SLX4: variants seen among roughly 807,000 people sequenced by gnomAD.
SLX4 encodes the protein structure-specific endonuclease subunit SLX4.
In SLX4, 112 loss-of-function variants were observed where a neutral mutation model predicts 146.2. The ratio of observed to expected loss-of-function variants is 0.77; its 90% CI spans 0.66 to 0.90. The LOEUF is 0.90. SLX4 is among the 40% of genes least tolerant of loss of function. The pLI, the probability that SLX4 is intolerant of heterozygous loss-of-function variation, is 0.00. For synonymous variants in SLX4, 1,061 were observed against 997.7 expected, an observed-to-expected ratio of 1.06 and a Z score of -1.20; for missense variants, 2,563 against 2,392.7, an observed-to-expected ratio of 1.07 and a Z score of -1.49.
intron 3 of SLX4, among the ~76,000 whole-genome samples, chr16:3,605,681 C>T: frequency 6.6e-6 from 1 of 151,916 alleles, no homozygotes; most frequent in African/African-American, 2.4e-5. Flanking sequence ...GGCACAGTGG[C>T]TCACGCCTGT....
chr16:3,605,989 A>G, intron 3 of SLX4, among the ~76,000 whole-genome samples: 2 of 136,464 alleles, frequency 1.5e-5, no homozygotes, highest in African/African-American at 5.5e-5. Context: ...GCCAGGTGCA[A>G]TGGTTCACGC....
At chr16:3,596,088 T>G in intron 8 of SLX4, 65 bp downstream of exon 8, 5 of 1,521,106 alleles carry the variant, frequency 3.3e-6, no homozygotes, top group Non-Finnish European at 3.5e-6. Flanking sequence ...CATGGCAGCC[T>G]CAGCCGCGGG....
Position 3,589,472 on chromosome 16 carries a change from G to C in SLX4, c.4166C>G (p.Ala1389Gly). ...PGPSFLNQTP[A>G]GEVVEVGDSD... is the part of the protein sequence containing the mutation. ...GTCTCCGACTTCCACCACTTCACCC[G>C]CTGGGGTCTGGTTCAGGAAGCTTGG... Residue 1389 changes from alanine (A) to glycine (G), a missense_variant, in exon 12 of 15, where the codon GCG (alanine) becomes GGG (glycine). Coordinates refer to ENST00000294008, the MANE Select transcript of SLX4 (RefSeq NM_032444.4). This position sits in a 1 kb window ranked among gnomAD's most constrained non-coding sequence, Gnocchi z 6.2. The C allele has an allele frequency of 6.2e-7, 1 of 1,608,536 alleles. No individual in the cohort carries two copies. The highest frequency in any genetic ancestry group is 8.5e-7 in the Non-Finnish European group (1 of 1,175,878).
In SLX4 at chr16:3,598,648, T is replaced by G. The variant is rs1460289795; in HGVS notation, c.1164-649A>C. ...TGGGCAAGAAGGAGGAGGGCAGAGG[T>G]GACAAAGGAACTTAGCACAAACCGG... is the stretch of plus-strand genomic sequence containing the variant. On this transcript the variant is annotated intron_variant, in intron 5 of 14. Transcript: ENST00000294008. 5.9e-5 allele frequency among the ~76,000 whole-genome samples: 9 copies of G among 151,846 alleles called. No homozygotes were observed. The East Asian group carries it at 1.7e-3, about 29-fold the overall frequency.
chr16:3,610,179 C>T lies in SLX4; in HGVS notation c.-602-613G>A, dbSNP rs1294708286. On this transcript the variant is annotated intron_variant, in intron 1 of 14. Transcript: ENST00000294008. Reference sequence around the variant, plus strand: ...ATGACCCAATGGCAGAAAGTTATTCCTTTCAAATACAATAATGCAATCTCC... The same window carrying T: ...ATGACCCAATGGCAGAAAGTTATTCTTTTCAAATACAATAATGCAATCTCC... 2.6e-5 allele frequency among the ~76,000 whole-genome samples: 4 copies of T among 152,170 alleles called. No individual in the cohort carries two copies. In the East Asian group the frequency reaches 5.8e-4, roughly 22 times the overall value.
Position 3,601,013 on chromosome 16 carries a change from G to A in SLX4, c.1129C>T (p.Gln377Ter), listed in dbSNP as rs1171341642. The A allele has an allele frequency of 3.1e-6, 5 of 1,613,828 alleles. No homozygotes were observed. The Admixed American group carries it at 6.7e-5, about 22-fold the overall frequency. ...GGTGGGCTGCTGCTACCCTCAGGCTGTGCTGTCTGCAGCCGCACAGCCTGA... is the reference window on the plus strand; with the variant it reads ...GGTGGGCTGCTGCTACCCTCAGGCTATGCTGTCTGCAGCCGCACAGCCTGA... The part of the protein sequence containing the change: ...LLQAVRLQTA[Q>*]PEGSSSPPMF... Residue 377 changes from glutamine (Q) to a stop codon, truncating the protein, a stop_gained, in exon 5 of 15, where the codon CAG becomes TAG. Coordinates refer to ENST00000294008, the MANE Select transcript of SLX4 (RefSeq NM_032444.4). LOFTEE classifies it high-confidence loss of function.
chr16:3,597,257 T>C lies in SLX4; in HGVS notation c.1683+122A>G, dbSNP rs1596527259. The stretch of plus-strand genomic sequence containing the variant: ...GCCACCAAGTGCCCCTCTGGCCTCC[T>C]CCCGCCTCTGCCTTTCCTTCCTGGA... On this transcript the variant is annotated intron_variant, in intron 7 of 14. Coordinates refer to ENST00000294008, the MANE Select transcript of SLX4 (RefSeq NM_032444.4). This position sits in a 1 kb window ranked among gnomAD's most constrained non-coding sequence, Gnocchi z 4.4. 1 of 1,186,796 alleles carries C rather than the reference T, an allele frequency of 8.4e-7. No homozygotes were observed. Among genetic ancestry groups the C allele is most frequent in the Non-Finnish European group, 1.2e-6 (1 of 867,684 alleles). The allele number at this position is 1,186,796 out of a possible 1,614,324, so 73.5% of individuals were successfully genotyped here.
rs747849749 is a variant in SLX4 at position 3,609,174 on chromosome 16, C to T, written c.-210G>A. On this transcript the variant is annotated 5_prime_UTR_variant, in exon 2 of 15. Transcript: ENST00000294008. ...ATCCCAGCTCTTTTGGAGGACGAGG[C>T]GGGGGGTGGATCACCTGAGGTCAGA... The T allele has an allele frequency of 3.0e-4, 159 of 532,006 alleles. No homozygotes were observed. Among genetic ancestry groups the T allele is most frequent in the Non-Finnish European group, 4.3e-4 (127 of 298,506 alleles). 33.0% of individuals were successfully genotyped at this position (532,006 alleles called of 1,614,324 possible). A position where few individuals can be genotyped will look rare whatever the true frequency, so the allele number is the denominator to read the frequency against.
In SLX4 at chr16:3,583,525, G is replaced by C. The variant is rs1488548447; in HGVS notation, c.4740-15C>G. ...GGACTCCAAACCTGACGGAGGAACA[G>C]GTGGATCTCAGGACCCACCCACACA... is the stretch of plus-strand genomic sequence containing the variant. On this transcript the variant is annotated splice_polypyrimidine_tract_variant and intron_variant, in intron 13 of 14. Transcript: ENST00000294008. 2 of 1,613,822 alleles carry C rather than the reference G, an allele frequency of 1.2e-6. No homozygotes were observed. The highest frequency in any genetic ancestry group is 2.2e-5 in the South Asian group (2 of 91,078).
chr16:3,589,114 C>T lies in SLX4; in HGVS notation c.4524G>A (p.Ser1508=), dbSNP rs1423670990. The T allele has an allele frequency of 3.7e-6, 6 of 1,613,998 alleles. No individual in the cohort carries two copies. Among genetic ancestry groups the T allele is most frequent in the Middle Eastern group, 3.3e-4 (2 of 6,084 alleles). ...LGNSRPSFLN[S]ALWDVWDGEE... ...CCCCGTCCCAAACGTCCCACAGAGC[C>T]GAATTCAGAAAGCTCGGCCTGCTAT... Residue 1508 remains serine (S), a synonymous_variant, in exon 12 of 15, where the codon TCG becomes TCA. Coordinates refer to ENST00000294008, the MANE Select transcript of SLX4 (RefSeq NM_032444.4). The surrounding 1 kb of genome is among the most constrained non-coding windows in gnomAD (Gnocchi z 6.2).
In SLX4 at chr16:3,589,720, C is replaced by A. The variant is rs1378434655; in HGVS notation, c.3918G>T (p.Gln1306His). Reference protein sequence around the residue: ...VGNREGNEVAQKFSVIRPQTP... With the variant: ...VGNREGNEVAHKFSVIRPQTP... Reference sequence around the variant, plus strand: ...TCTGGGGCCTGATGACAGAAAACTTCTGTGCGACTTCGTTCCCTTCCCTGT... The same window carrying A: ...TCTGGGGCCTGATGACAGAAAACTTATGTGCGACTTCGTTCCCTTCCCTGT... The change falls in exon 12 of 15, where the codon CAG becomes CAT. Residue 1306 changes from glutamine (Q) to histidine (H), a missense_variant. Coordinates refer to ENST00000294008, the MANE Select transcript of SLX4 (RefSeq NM_032444.4). This position sits in a 1 kb window ranked among gnomAD's most constrained non-coding sequence, Gnocchi z 6.2. 4.3e-6 allele frequency: 7 copies of A among 1,613,824 alleles called. 1 individual carries two copies. The Middle Eastern group carries it at 6.6e-4, about 152-fold the overall frequency.
At chr16:3,584,123 T>TA (rs796226183) in intron 13 of SLX4, among the ~76,000 whole-genome samples, 6 of 151,906 alleles carry the variant, frequency 3.9e-5, no homozygotes, top group South Asian at 4.2e-4. Context: ...AATGTTCTTT[T>TA]AAAAAAAATC....
chr16:3,608,831 T>C lies in SLX4; in HGVS notation c.134A>G (p.Asp45Gly), dbSNP rs2040816285. ...TTCTTTAAAGTCCTCATCAGACTCA[T>C]CCATCATCTGACCAGTTTTAAGGCT... ...PESLKTGQMM[D>G]ESDEDFKELC... Residue 45 changes from aspartate (D) to glycine (G), a missense_variant, in exon 2 of 15, where the codon GAT becomes GGT. Coordinates refer to ENST00000294008, the MANE Select transcript of SLX4 (RefSeq NM_032444.4). The C allele has an allele frequency of 6.2e-7, 1 of 1,614,174 alleles. No individual in the cohort carries two copies. The highest frequency in any genetic ancestry group is 8.5e-7 in the Non-Finnish European group (1 of 1,180,032).
At chr16:3,603,811 G>A (rs543695449) in intron 3 of SLX4, among the ~76,000 whole-genome samples, 1 of 152,348 alleles carries the variant, frequency 6.6e-6, no homozygotes, top group East Asian at 1.9e-4. Context: ...TGCAGCCAAT[G>A]AGCCTCTAAT....
rs1326792440 is a variant in SLX4, at chr16:3,592,704, G to A, written c.2322C>T (p.Ala774=). 1.2e-6 allele frequency: 2 copies of A among 1,613,036 alleles called. No homozygotes were observed. The highest frequency in any genetic ancestry group is 2.2e-5 in the East Asian group (1 of 44,878). ...AGCTGGGGAGCAATCCAGACCTGTG[G>A]GCCAGGGAGCTCAGCTCAGAGCTAA... The part of the protein sequence containing the change: ...PGLSSELSSL[A]HRFGVSELVH... The change falls in exon 11 of 15, where the codon GCC becomes GCT. Residue 774 remains alanine, a synonymous_variant. Transcript: ENST00000294008.
intron 4 of SLX4, chr16:3,601,836 G>C (rs1248843185): frequency 4.6e-6 from 2 of 431,758 alleles, no homozygotes; most frequent in Non-Finnish European, 8.7e-6. Flanking sequence ...AATGGGTGTG[G>C]GGATTCTTTT....
rs556688070 is a variant in SLX4 at position 3,603,615 on chromosome 16, TA to T, written c.761-1309del. Among the ~76,000 whole-genome samples the T allele has an allele frequency of 2.0e-4, 30 of 152,366 alleles. 1 individual carries two copies. Among genetic ancestry groups the T allele is most frequent in the African/African-American group, 7.2e-4 (30 of 41,582 alleles). ...CAATGCCAAGATCCTGCATACTTAT[TA>T]GCTGTAGGTCTGCCGATAATGGTTT... On this transcript the variant is annotated intron_variant, in intron 3 of 14. Coordinates refer to ENST00000294008, the MANE Select transcript of SLX4 (RefSeq NM_032444.4).
In SLX4 at chr16:3,591,274, C is replaced by G. The variant is rs781460590; in HGVS notation, c.2364G>C (p.Gln788His). The stretch of plus-strand genomic sequence containing the variant: ...CCTCTGAGTCAGTGGCAATAGGCAC[C>G]TGTTCGCACAGGTGAACGAGCTCAC... ...GVSELVHLCE[Q>H]VPIATDSEGK... Residue 788 changes from glutamine to histidine, a missense_variant, in exon 12 of 15, where the codon CAG becomes CAC. Transcript: ENST00000294008. 34 of 1,612,450 alleles carry G rather than the reference C, an allele frequency of 2.1e-5. No individual in the cohort carries two copies. Among genetic ancestry groups the G allele is most frequent in the Non-Finnish European group, 2.6e-5 (31 of 1,180,038 alleles).
At chr16:3,595,743 C>CA in intron 8 of SLX4, 50 bp from the exon 9 acceptor site, 1 of 1,599,626 alleles carries the variant, frequency 6.3e-7, no homozygotes. Flanking sequence ...CAGCCACATC[C>CA]ACCACCAAGA....
Sources: gnomAD v4.1 joint callset for allele counts (sites outside exome capture counted in the v4.1 genomes callset) on GRCh38, gnomAD v4.1.1 for gene constraint, Gnocchi (gnomAD v3.1) non-coding constraint, MANE v1.5 for transcripts, NCBI Gene and HGNC (gene_info 2026-07-23, HGNC 2026-07-21) for gene names.